Variants in ZNF345 observed in about 807,000 individuals in gnomAD.
ZNF345 encodes zinc finger protein HZF10.
For synonymous variants in ZNF345, 166 were observed against 187.9 expected (o/e 0.88, Z 0.95); for missense variants, 527 against 589.9 (o/e 0.89, Z 1.10).
At chr19:36,885,728 A>G (rs2072992553) in intron 3 of ZNF345, among the ~76,000 whole-genome samples, 1 of 152,184 alleles carries the variant, frequency 6.6e-6, no homozygotes, top group Non-Finnish European at 1.5e-5. Flanking sequence ...GAAAGGATAC[A>G]TATTTCAACT....
intron 3 of ZNF345, chr19:36,890,941 G>A (rs1256346585): frequency 6.6e-6 from 1 of 152,262 alleles, no homozygotes; most frequent in African/African-American, 2.4e-5. Context: ...CATTCTAACA[G>A]GGTATTATGG....
At chr19:36,862,914 A>G (rs2072582694) in intron 2 of ZNF345, 2 of 152,106 alleles carry the variant, frequency 1.3e-5, no homozygotes, top group African/African-American at 4.8e-5. Context: ...CTATCTTTAT[A>G]AGGGAGGAAA....
chr19:36,891,434 T>TA lies in ZNF345; in HGVS notation c.47-1383dup, dbSNP rs1568366120. The TA allele has an allele frequency of 3.4e-6, 5 of 1,483,384 alleles. No homozygotes were observed. In the Admixed American group the frequency reaches 1.2e-4, roughly 34 times the overall value. The allele number at this position is 1,483,384 out of a possible 1,614,324, so 91.9% of individuals were successfully genotyped here. ...AATATGTATCCTAATTTGTTCTCCTTACCTGTTTTAAAAAAATTATTATAA... is the reference window on the plus strand; with the variant it reads ...AATATGTATCCTAATTTGTTCTCCTTAACCTGTTTTAAAAAAATTATTATAA... On this transcript the variant is annotated intron_variant, in intron 3 of 3. Coordinates refer to the ZNF345 transcript ENST00000526123.
chr19:36,877,810 C>G lies in ZNF345; in HGVS notation c.980C>G (p.Ser327Ter). ...KECEKAFRSG[S>*]KLIQHQRMHT... ...TGTGAGAAAGCCTTTAGAAGTGGTT[C>G]AAAACTTATTCAGCATCAAAGAATG... The change falls in exon 3 of 3, where the codon TCA becomes TGA. Residue 327 changes from serine to a stop codon, truncating the protein, a stop_gained. Transcript: ENST00000420450. LOFTEE classifies it low-confidence loss of function (END_TRUNC). 6.2e-7 allele frequency: 1 copy of G among 1,613,758 alleles called. No individual in the cohort carries two copies. The highest frequency in any genetic ancestry group is 8.5e-7 in the Non-Finnish European group (1 of 1,179,932).
downstream of ZNF345, among the ~76,000 whole-genome samples, chr19:36,884,277 T>C (rs10403100): frequency 0.17 from 25,863 of 151,958 alleles, 2,616 homozygotes; most frequent in African/African-American, 0.27. Flanking sequence ...ATGTTGGTCT[T>C]GAACTCCTGA....
intron 2 of ZNF345, among the ~76,000 whole-genome samples, chr19:36,863,310 A>G (rs1246508677): frequency 6.6e-6 from 1 of 152,210 alleles, no homozygotes; most frequent in Non-Finnish European, 1.5e-5. Context: ...CTTAACAGAC[A>G]ACATTTCTGG....
At chr19:36,880,486 C>G (rs1453697726), downstream of ZNF345, among the ~76,000 whole-genome samples, 1 of 152,046 alleles carries the variant, frequency 6.6e-6, no homozygotes, top group Non-Finnish European at 1.5e-5. Flanking sequence ...CTGCATGATT[C>G]TTTGCTTAAA....
intron 2 of ZNF345, among the ~76,000 whole-genome samples, chr19:36,860,723 T>C (rs2072529335): frequency 6.6e-6 from 1 of 152,230 alleles, no homozygotes; most frequent in South Asian, 2.1e-4. Context: ...TTTCTGGAGA[T>C]GTTAACTTTG....
At chr19:36,883,490 C>T (rs141188695), downstream of ZNF345, among the ~76,000 whole-genome samples, 451 of 152,300 alleles carry the variant, frequency 3.0e-3, 1 homozygote, top group Non-Finnish European at 5.2e-3. Context: ...CTCTACACTA[C>T]TTGAATTATT....
rs886595591 is a variant in ZNF345 at position 36,859,764 on chromosome 19, A to G, written c.-47+7860A>G. ...TTTGAAACTTGTAGAAGTTAAAAGAATAGCATAAAGTATTCCTGTGTACCA... is the reference window on the plus strand; with the variant it reads ...TTTGAAACTTGTAGAAGTTAAAAGAGTAGCATAAAGTATTCCTGTGTACCA... On this transcript the variant is annotated intron_variant, in intron 2 of 2. Transcript: ENST00000420450. Among the ~76,000 whole-genome samples, 169 of 152,270 alleles carry G rather than the reference A, an allele frequency of 1.1e-3. 1 individual carries two copies. Among genetic ancestry groups the G allele is most frequent in the African/African-American group, 3.9e-3 (164 of 41,556 alleles).
At chr19:36,867,068 A>G (rs73933144) in intron 2 of ZNF345, among the ~76,000 whole-genome samples, 2 of 152,176 alleles carry the variant, frequency 1.3e-5, no homozygotes, top group Non-Finnish European at 2.9e-5. Flanking sequence ...GTTAGCCTAG[A>G]TAACCAAACT....
chr19:36,887,532 C>A (rs2073009423), intron 3 of ZNF345, among the ~76,000 whole-genome samples: 1 of 152,072 alleles, frequency 6.6e-6, no homozygotes, highest in African/African-American at 2.4e-5. Context: ...ATATATTTTA[C>A]AATAGAGAAT....
chr19:36,854,239 T>TTG (rs2072354026), intron 2 of ZNF345, among the ~76,000 whole-genome samples: 1 of 151,656 alleles, frequency 6.6e-6, no homozygotes, highest in East Asian at 1.9e-4. Context: ...GGTTTTGTTT[T>TTG]TTTTTTTTTT....
At chr19:36,863,593 A>C (rs1217336305) in intron 2 of ZNF345, among the ~76,000 whole-genome samples, 1 of 152,214 alleles carries the variant, frequency 6.6e-6, no homozygotes, top group East Asian at 1.9e-4. Context: ...CATTCATCAT[A>C]ATTCAGCAAG....
At chr19:36,866,331 C>T (rs2072659430) in intron 2 of ZNF345, among the ~76,000 whole-genome samples, 1 of 151,938 alleles carries the variant, frequency 6.6e-6, no homozygotes, top group Non-Finnish European at 1.5e-5. Flanking sequence ...TGGAAAAATA[C>T]AACATTGCTA....
chr19:36,885,684 C>T (rs146049285), intron 3 of ZNF345, among the ~76,000 whole-genome samples: 115 of 152,020 alleles, frequency 7.6e-4, no homozygotes, highest in African/African-American at 2.4e-3. Context: ...TGTGAGCCAC[C>T]GTGCCTGGCC....
At chr19:36,860,033 C>T (rs2072513665) in intron 2 of ZNF345, among the ~76,000 whole-genome samples, 1 of 152,166 alleles carries the variant, frequency 6.6e-6, no homozygotes, top group Non-Finnish European at 1.5e-5. Context: ...TCTCGGCTCA[C>T]TGCAAGTGCC....
intron 2 of ZNF345, among the ~76,000 whole-genome samples, chr19:36,853,544 G>A (rs1213511778): frequency 3.3e-5 from 5 of 152,110 alleles, no homozygotes; most frequent in African/African-American, 9.7e-5. Context: ...TGGCCAAGCC[G>A]AAAGCTTTCT....
chr19:36,858,141 T>G (rs2072463379), intron 2 of ZNF345: 1 of 152,250 alleles, frequency 6.6e-6, no homozygotes, highest in Non-Finnish European at 1.5e-5. Context: ...AATTCTGATT[T>G]AATTGGTCTG....
Sources: allele counts gnomAD v4.1 joint callset (sites outside exome capture counted in the v4.1 genomes callset), GRCh38; gene constraint gnomAD v4.1.1; transcripts MANE v1.5; gene names NCBI Gene and HGNC (gene_info 2026-07-23, HGNC 2026-07-21).